TNS1: variants seen among roughly 807,000 people sequenced by gnomAD.
The protein encoded by TNS1 is tensin 1, also known as tensin-1.
TNS1 carries 62 observed loss-of-function variants against 168.6 expected under a neutral mutation model. The observed-to-expected ratio is 0.37, with a 90% CI of 0.30 to 0.45. The LOEUF (loss-of-function observed/expected upper bound fraction) is 0.45. TNS1 is among the 20% of genes least tolerant of loss of function. The probability of loss-of-function intolerance (pLI) is 1.00; values close to 1 mark genes in which losing one functional copy is unlikely to be tolerated. For missense variants in TNS1, 2,240 were observed against 2,339.4 expected (o/e 0.96, Z 0.88); for synonymous variants, 934 against 933.2 (o/e 1.00, Z -0.02).
At chr2:217,835,032 G>T in intron 21 of TNS1, 59 bp downstream of exon 21, 1 of 1,473,342 alleles carries the variant, frequency 6.8e-7, no homozygotes, top group South Asian at 1.4e-5. Flanking sequence ...CCACAGGCAG[G>T]GTTGAGCTGA....
At chr2:217,874,023 A>AACACACACAC (rs3838561) in intron 18 of TNS1, among the ~76,000 whole-genome samples, 65 of 111,540 alleles carry the variant, frequency 5.8e-4, no homozygotes, top group Middle Eastern at 4.1e-3. Flanking sequence ...CCCCCCAACC[A>AACACACACAC]ACACACACAC....
chr2:217,930,456 C>G (rs774257836), intron 3 of TNS1, among the ~76,000 whole-genome samples: 3 of 152,154 alleles, frequency 2.0e-5, no homozygotes, highest in Non-Finnish European at 4.4e-5. Flanking sequence ...CAGGGCCAAA[C>G]AGAGAAAGGC....
At chr2:217,829,111 C>G (rs1237145565) in intron 22 of TNS1, among the ~76,000 whole-genome samples, 2 of 152,116 alleles carry the variant, frequency 1.3e-5, no homozygotes, top group Non-Finnish European at 2.9e-5. Flanking sequence ...CACAGTGGCT[C>G]ACACCTGTAA....
At chr2:217,815,918 C>T (rs890031475) in intron 24 of TNS1, among the ~76,000 whole-genome samples, 3 of 152,120 alleles carry the variant, frequency 2.0e-5, no homozygotes, top group Non-Finnish European at 4.4e-5. Flanking sequence ...GATGGCTGGC[C>T]TAGAATCTAG....
Position 217,802,263 on chromosome 2 carries a change from T to C in TNS1, c.*2196A>G, listed in dbSNP as rs1353153709. 6.6e-6 allele frequency: 1 copy of C among 152,160 alleles called. No homozygotes were observed. The highest frequency in any genetic ancestry group is 1.9e-4 in the East Asian group (1 of 5,182). The allele number at this position is 152,160 out of a possible 1,614,324, so 9.4% of individuals were successfully genotyped here. A position where few individuals can be genotyped will look rare whatever the true frequency, so the allele number is the denominator to read the frequency against. On this transcript the variant is annotated 3_prime_UTR_variant, in exon 33 of 33. Coordinates refer to ENST00000682258, the MANE Select transcript of TNS1 (RefSeq NM_001387777.1). ...GAAGAGCACTTTGGAGGGACTTTGG[T>C]CACCAGGCACAAGGTTTCACTCTGG...
chr2:217,911,505 C>T (rs1954406367), intron 4 of TNS1, among the ~76,000 whole-genome samples: 1 of 152,254 alleles, frequency 6.6e-6, no homozygotes, highest in Non-Finnish European at 1.5e-5. Flanking sequence ...CTCATCCTGG[C>T]CCTGGCCCTG....
intron 30 of TNS1, 46 bp downstream of exon 30, chr2:217,809,777 T>C (rs1370116322): frequency 6.3e-7 from 1 of 1,579,192 alleles, no homozygotes; most frequent in Non-Finnish European, 8.6e-7. Flanking sequence ...AATAGATGAG[T>C]CACAGGAAGG....
chr2:217,830,170 C>A (rs1206050963), intron 22 of TNS1, among the ~76,000 whole-genome samples: 1 of 152,150 alleles, frequency 6.6e-6, no homozygotes, highest in Non-Finnish European at 1.5e-5. Flanking sequence ...AGCCTGAGCC[C>A]CTCGCAGCCC....
At chr2:217,830,500 G>T in intron 22 of TNS1, 3 of 1,303,720 alleles carry the variant, frequency 2.3e-6, no homozygotes, top group Non-Finnish European at 2.1e-6. Flanking sequence ...CAAGGGCCCA[G>T]GGAGCCCTGT....
chr2:218,013,496 C>T (rs756918565), upstream of TNS1, among the ~76,000 whole-genome samples: 1 of 152,202 alleles, frequency 6.6e-6, no homozygotes, highest in African/African-American at 2.4e-5. Flanking sequence ...GATCTCTCTG[C>T]AGCCCCCATG....
chr2:217,818,585 G>A lies in TNS1; in HGVS notation c.3747C>T (p.Ser1249=), dbSNP rs373778155. 1.2e-6 allele frequency: 2 copies of A among 1,614,236 alleles called. No individual in the cohort carries two copies. Among genetic ancestry groups the A allele is most frequent in the Non-Finnish European group, 1.7e-6 (2 of 1,180,046 alleles). The change falls in exon 24 of 33, where the codon AGC becomes AGT. Residue 1249 remains serine, a synonymous_variant. Coordinates refer to ENST00000682258, the MANE Select transcript of TNS1 (RefSeq NM_001387777.1). ...SPLPTVGSSY[S]SPDYSLQHFS... ...AATGCTGAAGTGAGTAGTCGGGGCT[G>A]CTGTAGCTACTGCCCACAGTCGGGA...
chr2:217,957,840 C>CAAA (rs35149245), intron 3 of TNS1, among the ~76,000 whole-genome samples: 5 of 74,178 alleles, frequency 6.7e-5, no homozygotes, highest in African/African-American at 1.6e-4. Context: ...AGTACTCCCG[C>CAAA]AAAAAAAAAA....
In TNS1 at chr2:217,836,157, C is replaced by A; in HGVS notation, c.3062G>T (p.Arg1021Leu). The change falls in exon 20 of 33, where the codon CGG becomes CTG. Residue 1021 changes from arginine (R) to leucine (L), a missense_variant. Arg to Leu is a moderately radical substitution (Grantham distance 102). This residue lies in a region of TNS1 where 2,131 missense variants were observed against 2,171.2 expected (regional missense o/e 0.98). Coordinates refer to ENST00000682258, the MANE Select transcript of TNS1 (RefSeq NM_001387777.1). Reference protein sequence around the residue: ...PAEPPAPLRRRAASDGQYENQ... With the variant: ...PAEPPAPLRRLAASDGQYENQ... Reference sequence around the variant, plus strand: ...CTCATACTGTCCATCACTGGCCGCCCGCCTCCGCAGAGGGGCTGGGGGCTC... The same window carrying A: ...CTCATACTGTCCATCACTGGCCGCCAGCCTCCGCAGAGGGGCTGGGGGCTC... The A allele has an allele frequency of 6.2e-7, 1 of 1,613,826 alleles. No individual in the cohort carries two copies. The highest frequency in any genetic ancestry group is 8.5e-7 in the Non-Finnish European group (1 of 1,179,892).
chr2:217,836,263 G>T (rs1312361357), intron 19 of TNS1, 52 bp from the exon 20 acceptor site: 2 of 1,542,526 alleles, frequency 1.3e-6, no homozygotes, highest in South Asian at 2.4e-5. Flanking sequence ...TGTAAGAAAT[G>T]ATCAATCGGC....
At chr2:217,837,254 GC>G (rs1335645707) in intron 19 of TNS1, among the ~76,000 whole-genome samples, 5 of 152,170 alleles carry the variant, frequency 3.3e-5, no homozygotes, top group Non-Finnish European at 7.4e-5. Flanking sequence ...CTAGGAATGT[GC>G]CAGTACAGCC....
chr2:218,003,719 A>G (rs368157412), upstream of TNS1, among the ~76,000 whole-genome samples: 2 of 150,244 alleles, frequency 1.3e-5, no homozygotes, highest in South Asian at 4.2e-4. Flanking sequence ...GGCTCCCGCG[A>G]GAGTGTGTTT....
At chr2:217,984,295 T>A (rs564760110) in intron 2 of TNS1, among the ~76,000 whole-genome samples, 24 of 152,214 alleles carry the variant, frequency 1.6e-4, no homozygotes, top group African/African-American at 5.8e-4. Flanking sequence ...GGCTCTGAAG[T>A]AAGAACAGGA....
chr2:217,939,899 G>T (rs1956823042), intron 3 of TNS1, among the ~76,000 whole-genome samples: 1 of 152,238 alleles, frequency 6.6e-6, no homozygotes, highest in Non-Finnish European at 1.5e-5. Context: ...GATGGCCAAG[G>T]CCACCAACCT....
At chr2:217,872,232 T>C (rs553129471) in intron 18 of TNS1, among the ~76,000 whole-genome samples, 1 of 152,306 alleles carries the variant, frequency 6.6e-6, no homozygotes, top group East Asian at 1.9e-4. Flanking sequence ...ATGCAGGCCT[T>C]GCAGAAGAGA....
Sources: allele counts gnomAD v4.1 joint callset (sites outside exome capture counted in the v4.1 genomes callset), GRCh38; gene constraint gnomAD v4.1.1; regional missense constraint gnomAD v4.1.1; transcripts MANE v1.5; gene names NCBI Gene and HGNC (gene_info 2026-07-23, HGNC 2026-07-21).